The following RIN2 variants were observed in gnomAD, a reference collection of about 807,000 sequenced individuals.
The protein encoded by RIN2 is Ras and Rab interactor 2, also known as RAB5 interacting protein 2.
RIN2 carries 36 observed loss-of-function variants against 78.0 expected under a neutral mutation model. The observed-to-expected ratio is 0.46, with a 90% CI of 0.35 to 0.61. The LOEUF is 0.61. Among genes scored for constraint, RIN2 ranks in the 20% least tolerant of loss-of-function variants. The pLI is 0.00. For missense variants in RIN2, 1,087 were observed against 1,159.7 expected, an observed-to-expected ratio of 0.94 and a Z score of 0.91; for synonymous variants, 466 against 466.8, an observed-to-expected ratio of 1.00 and a Z score of 0.02.
Position 19,974,754 on chromosome 20 carries a change from C to G in RIN2, c.729C>G (p.Leu243=), listed in dbSNP as rs2042214542. 2 of 1,613,898 alleles carry G rather than the reference C, an allele frequency of 1.2e-6. No individual in the cohort carries two copies. The highest frequency in any genetic ancestry group is 1.1e-5 in the South Asian group (1 of 91,090). ...TCTGTCCTGCCTCCCTGCGTCAGCTCTGCCTTATAAATGGAGTGCATTCTA... is the reference window on the plus strand; with the variant it reads ...TCTGTCCTGCCTCCCTGCGTCAGCTGTGCCTTATAAATGGAGTGCATTCTA... ...DGVCPASLRQ[L]CLINGVHSIK... Residue 243 remains leucine (L), a synonymous_variant, in exon 9 of 13, where the codon CTC becomes CTG. Transcript: ENST00000255006.
intron 7 of RIN2, among the ~76,000 whole-genome samples, chr20:19,969,235 G>A (rs1023777724): frequency 9.2e-5 from 14 of 152,118 alleles, no homozygotes; most frequent in Non-Finnish European, 1.6e-4. Context: ...AGGTTGTTTG[G>A]TATCATTATT....
At chr20:19,934,996 A>T in intron 3 of RIN2, 103 bp from the exon 4 acceptor site, 20 of 637,370 alleles carry the variant, frequency 3.1e-5, no homozygotes, top group Non-Finnish European at 4.5e-5. Flanking sequence ...ATAGAAAAAG[A>T]TGGTCATCTC....
chr20:19,964,761 A>G (rs769635747), intron 6 of RIN2, among the ~76,000 whole-genome samples, 191 bp from the exon 7 acceptor site: 59 of 152,224 alleles, frequency 3.9e-4, no homozygotes, highest in African/African-American at 9.9e-4. Flanking sequence ...CAAGCGATGA[A>G]CTTCCAGATC....
intron 9 of RIN2, among the ~76,000 whole-genome samples, chr20:19,988,051 C>T (rs1273226406): frequency 1.3e-5 from 2 of 152,190 alleles, no homozygotes; most frequent in African/African-American, 4.8e-5. Context: ...AATAGGTAAT[C>T]ATTTGAATTC....
At chr20:19,984,028 C>G (rs745516949) in intron 9 of RIN2, among the ~76,000 whole-genome samples, 3 of 141,138 alleles carry the variant, frequency 2.1e-5, no homozygotes, top group Admixed American at 7.3e-5. Flanking sequence ...ATCCCTCCCC[C>G]CTCCTCCCAC....
chr20:19,860,547 T>C (rs886685680), intron 2 of RIN2, among the ~76,000 whole-genome samples: 6 of 152,254 alleles, frequency 3.9e-5, no homozygotes, highest in Non-Finnish European at 7.4e-5. Context: ...CGTCTCGAAC[T>C]CCTGACCTCA....
At chr20:19,956,526 A>G (rs940958544) in intron 4 of RIN2, 89 bp from the exon 5 acceptor site, 1 of 1,259,570 alleles carries the variant, frequency 7.9e-7, no homozygotes, top group African/African-American at 1.5e-5. Flanking sequence ...GTGCGGTGGC[A>G]AGCCTGGCCT....
chr20:19,824,480 G>T (rs182617900), intron 2 of RIN2, among the ~76,000 whole-genome samples: 1 of 152,228 alleles, frequency 6.6e-6, no homozygotes, highest in African/African-American at 2.4e-5. Context: ...GATTTATGGT[G>T]TATCTAGTGA....
chr20:19,825,888 C>T (rs1227430201), intron 2 of RIN2, among the ~76,000 whole-genome samples: 3 of 152,146 alleles, frequency 2.0e-5, no homozygotes, highest in East Asian at 1.9e-4. Context: ...TATTTTGTAT[C>T]CTAATTATTT....
At chr20:19,839,394 G>A (rs961073249) in intron 2 of RIN2, among the ~76,000 whole-genome samples, 21 of 152,172 alleles carry the variant, frequency 1.4e-4, no homozygotes, top group Admixed American at 5.2e-4. Flanking sequence ...ACAGTGTGGC[G>A]ACTGAGCAGG....
intron 4 of RIN2, among the ~76,000 whole-genome samples, chr20:19,936,133 C>T (rs2040633063): frequency 6.6e-6 from 1 of 152,196 alleles, no homozygotes; most frequent in African/African-American, 2.4e-5. Context: ...GCACTTGCAG[C>T]TGGAAGGTGG....
At chr20:19,815,538 G>A (rs1389190804) in intron 2 of RIN2, among the ~76,000 whole-genome samples, 1 of 152,150 alleles carries the variant, frequency 6.6e-6, no homozygotes, top group African/African-American at 2.4e-5. Context: ...TTGAAAAGTT[G>A]CTTTTCTTTT....
chr20:19,805,693 C>T (rs1468152426), intron 2 of RIN2, among the ~76,000 whole-genome samples: 4 of 152,038 alleles, frequency 2.6e-5, no homozygotes, highest in Non-Finnish European at 5.9e-5. Context: ...TGAGCCACTG[C>T]GCCTGGCCCA....
At chr20:19,937,495 C>T (rs1248301848) in intron 4 of RIN2, among the ~76,000 whole-genome samples, 2 of 152,166 alleles carry the variant, frequency 1.3e-5, no homozygotes, top group Non-Finnish European at 2.9e-5. Context: ...TCTATGGTTC[C>T]TTAGTTGATG....
intron 2 of RIN2, among the ~76,000 whole-genome samples, chr20:19,801,358 T>TGGGTG (rs1684983206): frequency 6.6e-6 from 1 of 151,926 alleles, no homozygotes; most frequent in African/African-American, 2.4e-5. Context: ...TCTTGCTCTG[T>TGGGTG]CACCCAGGCT....
In RIN2 at chr20:19,975,422, G is replaced by C. The variant is rs556614749; in HGVS notation, c.1397G>C (p.Gly466Ala). 1.9e-6 allele frequency: 3 copies of C among 1,614,078 alleles called. No homozygotes were observed. Among genetic ancestry groups the C allele is most frequent in the Admixed American group, 1.7e-5 (1 of 60,034 alleles). Residue 466 changes from glycine to alanine, a missense_variant, in exon 9 of 13, where the codon GGG (glycine) becomes GCG (alanine). This residue lies in a region of RIN2 where 706 missense variants were observed against 667.5 expected (regional missense o/e 1.06). Transcript: ENST00000255006. The surrounding 1 kb of genome is among the most constrained non-coding windows in gnomAD (Gnocchi z 4.9). ...AACAGCAGCCTGGAGGACTACGAGG[G>C]GGAAAGTGACCAAGAGACCATGGCG... ...DTNSSLEDYEGESDQETMAPP... is the reference protein window; with the variant it reads ...DTNSSLEDYEAESDQETMAPP...
intron 1 of RIN2, among the ~76,000 whole-genome samples, chr20:19,760,447 G>T (rs112898455): frequency 6.6e-6 from 1 of 151,838 alleles, no homozygotes; most frequent in Admixed American, 6.6e-5. Context: ...TGACTCCCAG[G>T]ATGGCTATGG....
intron 2 of RIN2, among the ~76,000 whole-genome samples, chr20:19,865,492 T>C (rs1407749038): frequency 7.7e-6 from 1 of 129,802 alleles, no homozygotes; most frequent in Non-Finnish European, 1.6e-5. Context: ...TTCTTTCTTT[T>C]TTTTTTTTTT....
chr20:19,933,099 C>T (rs2040500525), intron 3 of RIN2, among the ~76,000 whole-genome samples: 1 of 152,226 alleles, frequency 6.6e-6, no homozygotes, highest in African/African-American at 2.4e-5. Context: ...CTTGCCTAGA[C>T]CACTGTAGTT....
Sources: gnomAD v4.1 joint callset for allele counts (sites outside exome capture counted in the v4.1 genomes callset) on GRCh38, gnomAD v4.1.1 for gene constraint, gnomAD v4.1.1 regional missense constraint, Gnocchi (gnomAD v3.1) non-coding constraint, MANE v1.5 for transcripts, NCBI Gene and HGNC (gene_info 2026-07-23, HGNC 2026-07-21) for gene names.